COL4A5: variants seen among roughly 807,000 people sequenced by gnomAD.
COL4A5 encodes collagen type IV alpha 5 chain.
In COL4A5, 26 loss-of-function variants were observed where a neutral mutation model predicts 130.2. The observed-to-expected ratio is 0.20, with a 90% CI of 0.15 to 0.28. The LOEUF (loss-of-function observed/expected upper bound fraction) is 0.28. Ranked by LOEUF, COL4A5 falls within the 10% of genes least tolerant of loss-of-function variation. COL4A5 has a pLI of 1.00. For synonymous variants in COL4A5, 496 were observed against 439.6 expected, an observed-to-expected ratio of 1.13 and a Z score of -1.60; for missense variants, 1,131 against 1,344.3, an observed-to-expected ratio of 0.84 and a Z score of 2.48.
chrX:108,490,853 C>T (rs898082609), intron 1 of COL4A5, among the ~76,000 whole-genome samples: 2 of 110,936 alleles, frequency 1.8e-5, no homozygotes, highest in African/African-American at 3.3e-5. Context: ...TCTTGGTGTT[C>T]GTAAGTTCTT....
At chrX:108,654,028 T>A (rs1254809907) in intron 36 of COL4A5, among the ~76,000 whole-genome samples, 2 of 112,293 alleles carry the variant, frequency 1.8e-5, no homozygotes, top group East Asian at 5.6e-4. Context: ...CAAAAATAGA[T>A]CTTACTCACC....
chrX:108,632,957 A>G (rs2067291872), intron 36 of COL4A5, among the ~76,000 whole-genome samples: 1 of 111,610 alleles, frequency 9.0e-6, no homozygotes, highest in African/African-American at 3.3e-5. Context: ...CCTGTTCAAC[A>G]TAGTGTTGGA....
intron 29 of COL4A5, among the ~76,000 whole-genome samples, chrX:108,608,291 G>A (rs2066769648): frequency 9.0e-6 from 1 of 111,015 alleles, no homozygotes; most frequent in South Asian, 3.8e-4. Flanking sequence ...ACATTTTATT[G>A]TTAAAAAATT....
chrX:108,440,245 C>G (rs749423563), intron 1 of COL4A5, 39 bp downstream of exon 1: 1 of 964,526 alleles, frequency 1.0e-6, no homozygotes, highest in Non-Finnish European at 1.5e-6. Flanking sequence ...CATCACCGCT[C>G]TTTCACGCTG....
chrX:108,539,536 C>G lies in COL4A5; in HGVS notation c.82-210C>G, dbSNP rs773289291. 2.7e-5 allele frequency among the ~76,000 whole-genome samples: 3 copies of G among 111,521 alleles called. No homozygotes were observed. The East Asian group carries it at 8.4e-4, about 31-fold the overall frequency. On this transcript the variant is annotated intron_variant, in intron 1 of 52. Transcript: ENST00000328300. ...TAAAATTATAAAAATTATGTTTGCTCATTTTGAAAAGTTAAGACAGAAGTG... is the reference window on the plus strand; with the variant it reads ...TAAAATTATAAAAATTATGTTTGCTGATTTTGAAAAGTTAAGACAGAAGTG...
At chrX:108,641,402 C>T (rs995345327) in intron 36 of COL4A5, among the ~76,000 whole-genome samples, 2 of 111,631 alleles carry the variant, frequency 1.8e-5, no homozygotes, top group Admixed American at 9.5e-5. Flanking sequence ...GACTGGATTA[C>T]AGCTCCAACT....
chrX:108,566,550 T>TC (rs1434609171), intron 4 of COL4A5, among the ~76,000 whole-genome samples: 5 of 110,425 alleles, frequency 4.5e-5, no homozygotes, highest in Admixed American at 9.7e-5. Flanking sequence ...TTTTTTTTTT[T>TC]CTTTCTTTCT....
In COL4A5 at chrX:108,622,728, A is replaced by G. The variant is rs1380901574; in HGVS notation, c.2820A>G (p.Lys940=). The G allele has an allele frequency of 5.0e-6, 6 of 1,210,594 alleles. No individual in the cohort carries two copies. The South Asian group carries it at 5.3e-5, about 11-fold the overall frequency. ...GACTTCCTGGCCCTACAGGAGAAAA[A>G]GGTAGTAAAGGAGAGCCTGGCCTTC... The part of the protein sequence containing the change: ...QPGLPGPTGE[K]GSKGEPGLPG... Residue 940 remains lysine (K), a synonymous_variant, in exon 33 of 53, where the codon AAA becomes AAG. Transcript: ENST00000328300.
At chrX:108,601,847 T>G (rs1246991748) in intron 26 of COL4A5, 38 bp from the exon 27 acceptor site, 1 of 856,628 alleles carries the variant, frequency 1.2e-6, no homozygotes, top group African/African-American at 2.0e-5. Flanking sequence ...CTTCTTTCTT[T>G]GAACGTTTTC....
Position 108,452,467 on chromosome X carries a change from T to G in COL4A5, c.81+12261T>G, listed in dbSNP as rs767790262. On this transcript the variant is annotated intron_variant, in intron 1 of 52. Coordinates refer to ENST00000328300, the MANE Select transcript of COL4A5 (RefSeq NM_033380.3). Reference sequence around the variant, plus strand: ...TCTTCCTACCCATGAGCATGACATGTTCTTCCATTTGTTTGTATCCTCTTT... The same window carrying G: ...TCTTCCTACCCATGAGCATGACATGGTCTTCCATTTGTTTGTATCCTCTTT... Among the ~76,000 whole-genome samples, 4 of 112,275 alleles carry G rather than the reference T, an allele frequency of 3.6e-5. No individual in the cohort carries two copies. In the South Asian group the frequency reaches 1.5e-3, roughly 42 times the overall value.
At position 108,458,808 on chromosome X, in the gene COL4A5, A is replaced by G. The variant is rs1336285372; in HGVS notation, c.81+18602A>G. Among the ~76,000 whole-genome samples the G allele has an allele frequency of 4.5e-5, 5 of 110,897 alleles. No individual in the cohort carries two copies. The East Asian group carries it at 1.4e-3, about 32-fold the overall frequency. On this transcript the variant is annotated intron_variant, in intron 1 of 52. Coordinates refer to ENST00000328300, the MANE Select transcript of COL4A5 (RefSeq NM_033380.3). ...ATCCTGGCTAACACGGTGAAACCCC[A>G]CCTCTACTAAAAATACAAAAAATTA...
chrX:108,591,059 G>T lies in COL4A5; in HGVS notation c.1167G>T (p.Gly389=). 1.7e-6 allele frequency: 2 copies of T among 1,208,634 alleles called. No individual in the cohort carries two copies. The highest frequency in any genetic ancestry group is 2.2e-6 in the Non-Finnish European group (2 of 894,230). The change falls in exon 20 of 53, where the codon GGG becomes GGT. Residue 389 remains glycine, a splice_region_variant and synonymous_variant. Coordinates refer to ENST00000328300, the MANE Select transcript of COL4A5 (RefSeq NM_033380.3). ...TTTGATCACTTTTTTGAATCTTAGG[G>T]GCTGCAGTTATGGGTCCTCCTGGCC... is the stretch of plus-strand genomic sequence containing the variant. ...QGPPGLPGPP[G]AAVMGPPGPP...
At chrX:108,668,647 T>C in intron 41 of COL4A5, 143 bp downstream of exon 41, 1 of 422,734 alleles carries the variant, frequency 2.4e-6, no homozygotes, top group South Asian at 8.5e-5. Flanking sequence ...ATTTGTGATA[T>C]AACTTCTTAC....
chrX:108,697,532 T>G lies in COL4A5; in HGVS notation c.*1154T>G, dbSNP rs1014158032. ...ACCAATATAAATTTAATTAAAGATA[T>G]ATGTTGTAAGGATGGTCTGTTGTGT... On this transcript the variant is annotated 3_prime_UTR_variant, in exon 53 of 53. Transcript: ENST00000328300. The G allele has an allele frequency of 9.0e-6, 1 of 111,319 alleles. No homozygotes were observed. Among genetic ancestry groups the G allele is most frequent in the African/African-American group, 3.3e-5 (1 of 30,674 alleles). 9.2% of individuals were successfully genotyped at this position (111,319 alleles called of 1,213,427 possible). A position where few individuals can be genotyped will look rare whatever the true frequency, so the allele number is the denominator to read the frequency against.
intron 25 of COL4A5, among the ~76,000 whole-genome samples, chrX:108,599,362 G>A (rs2066585444): frequency 1.8e-5 from 2 of 111,557 alleles, no homozygotes; most frequent in Admixed American, 1.9e-4. Flanking sequence ...TCATGTTAAA[G>A]GAATCATAGG....
At chrX:108,470,638 C>G (rs1339120124) in intron 1 of COL4A5, among the ~76,000 whole-genome samples, 1 of 111,545 alleles carries the variant, frequency 9.0e-6, no homozygotes, top group Non-Finnish European at 1.9e-5. Flanking sequence ...TGCAGAAGCT[C>G]TTTAGTTTAA....
At chrX:108,586,590 A>AT (rs104886089) in intron 18 of COL4A5, 25 bp from the exon 19 acceptor site, 2,841 of 1,048,343 alleles carry the variant, frequency 2.7e-3, no homozygotes, top group Non-Finnish European at 3.1e-3. Context: ...GCATTTCTTT[A>AT]TTTTTTTTTT....
At chrX:108,582,811 G>C in intron 16 of COL4A5, 73 bp from the exon 17 acceptor site, 1 of 871,495 alleles carries the variant, frequency 1.1e-6, no homozygotes. Flanking sequence ...TGCTTCTATG[G>C]AGAAGACAAT....
chrX:108,463,929 A>G (rs1191243707), intron 1 of COL4A5, among the ~76,000 whole-genome samples: 1 of 111,794 alleles, frequency 8.9e-6, no homozygotes, highest in Non-Finnish European at 1.9e-5. Flanking sequence ...TTATTGCAGT[A>G]CAAAATCCCT....
Sources: allele counts gnomAD v4.1 joint callset (sites outside exome capture counted in the v4.1 genomes callset), GRCh38; gene constraint gnomAD v4.1.1; transcripts MANE v1.5; gene names NCBI Gene and HGNC (gene_info 2026-07-23, HGNC 2026-07-21).